GALNT13: variants seen among roughly 807,000 people sequenced by gnomAD.
GALNT13 encodes polypeptide N-acetylgalactosaminyltransferase 13, also known as UDP-GalNAc:polypeptide N-acetylgalactosaminyltransferase 13.
GALNT13 carries 28 observed loss-of-function variants against 64.2 expected under a neutral mutation model. The observed-to-expected ratio is 0.44, with a 90% CI of 0.32 to 0.60. The LOEUF is 0.60. Among genes scored for constraint, GALNT13 ranks in the 20% least tolerant of loss-of-function variants. GALNT13 has a pLI of 0.05. For missense variants in GALNT13, 577 were observed against 669.8 expected (o/e 0.86, Z 1.53); for synonymous variants, 214 against 224.6 (o/e 0.95, Z 0.42).
intron 4 of GALNT13, chr2:154,235,936 C>T: frequency 2.7e-6 from 1 of 368,060 alleles, no homozygotes; most frequent in Non-Finnish European, 4.8e-6. Context: ...AATAGGAATA[C>T]TATTTCACTG....
chr2:154,443,245 T>G (rs1701393390), intron 12 of GALNT13, among the ~76,000 whole-genome samples: 1 of 152,130 alleles, frequency 6.6e-6, no homozygotes, highest in Admixed American at 6.6e-5. Flanking sequence ...GGAATTTCAA[T>G]AGATTAGCGT....
the GALNT13 span, among the ~76,000 whole-genome samples, chr2:153,196,349 A>G: frequency 1.3e-5 from 2 of 152,088 alleles, no homozygotes; most frequent in Non-Finnish European, 2.9e-5. Flanking sequence ...CAAAGTCTAG[A>G]GGGGGCCAAG....
chr2:154,076,347 A>C (rs1382006451), intron 3 of GALNT13, among the ~76,000 whole-genome samples: 1 of 151,776 alleles, frequency 6.6e-6, no homozygotes, highest in Non-Finnish European at 1.5e-5. Context: ...CAGAAATCGC[A>C]GTCATGATAT....
chr2:153,694,114 A>G, the GALNT13 span, among the ~76,000 whole-genome samples: 1 of 152,182 alleles, frequency 6.6e-6, no homozygotes, highest in Non-Finnish European at 1.5e-5. Context: ...TCCCAAAAAC[A>G]AACAAACAAA....
chr2:153,724,804 C>A, the GALNT13 span, among the ~76,000 whole-genome samples: 2 of 140,666 alleles, frequency 1.4e-5, no homozygotes, highest in Non-Finnish European at 3.0e-5. Context: ...AGTCAGGAAA[C>A]AACAGGTGCT....
At chr2:154,011,731 T>A (rs910989213) in intron 3 of GALNT13, among the ~76,000 whole-genome samples, 1 of 152,174 alleles carries the variant, frequency 6.6e-6, no homozygotes, top group South Asian at 2.1e-4. Flanking sequence ...AAAACTTGTT[T>A]TATGAATCCG....
the GALNT13 span, among the ~76,000 whole-genome samples, chr2:153,679,178 G>A: frequency 6.6e-6 from 1 of 151,864 alleles, no homozygotes; most frequent in Non-Finnish European, 1.5e-5. Flanking sequence ...GCAACAGCCA[G>A]CCTGTTGACT....
chr2:153,179,916 C>T, the GALNT13 span, among the ~76,000 whole-genome samples: 26 of 152,158 alleles, frequency 1.7e-4, no homozygotes, highest in South Asian at 3.3e-3. Context: ...TTTATTCTAA[C>T]AGTTTTTTTG....
At position 153,926,443 on chromosome 2, in the gene GALNT13, A is replaced by G. The variant is rs192025579; in HGVS notation, c.-104-17951A>G. 1.5e-3 allele frequency: 221 copies of G among 152,204 alleles called. 1 individual carries two copies. The highest frequency in any genetic ancestry group is 5.2e-3 in the African/African-American group (216 of 41,542). 9.4% of individuals were successfully genotyped at this position (152,204 alleles called of 1,614,324 possible). ...AAGCCACATATACAACTAGAAAGAG[A>G]TAGTTCCTGAATTTTGGTTAAGAGT... On this transcript the variant is annotated intron_variant, in intron 2 of 12. Transcript: ENST00000392825.
the GALNT13 span, among the ~76,000 whole-genome samples, chr2:153,162,607 C>T: frequency 6.6e-6 from 1 of 152,152 alleles, no homozygotes; most frequent in Non-Finnish European, 1.5e-5. Flanking sequence ...AATAGCTGAA[C>T]ACTTGGAAGA....
At chr2:154,052,734 C>CAT (rs1699693093) in intron 3 of GALNT13, among the ~76,000 whole-genome samples, 1 of 123,138 alleles carries the variant, frequency 8.1e-6, no homozygotes, top group African/African-American at 3.0e-5. Context: ...ACAGAATTGA[C>CAT]TTTTTTTTTT....
At chr2:154,277,867 A>G (rs1691735824) in intron 8 of GALNT13, among the ~76,000 whole-genome samples, 2 of 152,206 alleles carry the variant, frequency 1.3e-5, no homozygotes, top group Admixed American at 1.3e-4. Context: ...CACTGCAAAT[A>G]TGCCAAAATT....
intron 2 of GALNT13, among the ~76,000 whole-genome samples, chr2:153,936,562 C>T (rs546076104): frequency 6.6e-6 from 1 of 152,188 alleles, no homozygotes; most frequent in Non-Finnish European, 1.5e-5. Flanking sequence ...ATGTAGGCAC[C>T]TTTATCACAG....
intron 9 of GALNT13, among the ~76,000 whole-genome samples, chr2:154,319,921 C>T (rs951502144): frequency 2.6e-5 from 4 of 151,872 alleles, no homozygotes; most frequent in African/African-American, 9.7e-5. Context: ...TATTTGACTT[C>T]TTAGTTATAG....
intron 9 of GALNT13, among the ~76,000 whole-genome samples, 200 bp downstream of exon 9, chr2:154,301,789 T>A (rs2105097100): frequency 6.6e-6 from 1 of 152,234 alleles, no homozygotes; most frequent in East Asian, 1.9e-4. Flanking sequence ...AACACCTAAA[T>A]ATTATCTTTT....
chr2:153,265,254 G>T, the GALNT13 span, among the ~76,000 whole-genome samples: 1 of 152,318 alleles, frequency 6.6e-6, no homozygotes, highest in African/African-American at 2.4e-5. Flanking sequence ...TTCCCCAGAA[G>T]TTGCAGTTTT....
intron 3 of GALNT13, among the ~76,000 whole-genome samples, chr2:154,099,696 GGGAAGCC>G (rs1293546095): frequency 2.0e-5 from 3 of 152,028 alleles, no homozygotes; most frequent in African/African-American, 7.2e-5. Flanking sequence ...CCAGCACTTT[GGGAAGCC>G]AAAGCAAGAG....
chr2:154,094,162 G>T (rs1368108695), intron 3 of GALNT13, among the ~76,000 whole-genome samples: 1 of 151,884 alleles, frequency 6.6e-6, no homozygotes, highest in Non-Finnish European at 1.5e-5. Flanking sequence ...ACTCAGTGTA[G>T]TTGGGCAGCT....
chr2:153,605,939 C>T, the GALNT13 span, among the ~76,000 whole-genome samples: 1 of 151,964 alleles, frequency 6.6e-6, no homozygotes, highest in Non-Finnish European at 1.5e-5. Context: ...CAGGGAGGGT[C>T]TGTGAGATGC....
Sources: allele counts gnomAD v4.1 joint callset (sites outside exome capture counted in the v4.1 genomes callset), GRCh38; gene constraint gnomAD v4.1.1; transcripts MANE v1.5; gene names NCBI Gene and HGNC (gene_info 2026-07-23, HGNC 2026-07-21).